The following COMMD1 variants were observed in gnomAD, a reference collection of about 807,000 sequenced individuals.
COMMD1 encodes COMM domain-containing protein 1.
COMMD1 carries 10 observed loss-of-function variants against 17.2 expected under a neutral mutation model. That is an observed-to-expected ratio of 0.58 (90% CI 0.36 to 0.99). The LOEUF is 0.99. COMMD1 is among the 50% of genes least tolerant of loss of function. COMMD1 has a pLI of 0.01. For synonymous variants in COMMD1, 97 were observed against 91.6 expected (o/e 1.06, Z -0.34); for missense variants, 270 against 231.8 (o/e 1.17, Z -1.07).
At chr2:61,949,008 C>T (rs116281875) in intron 1 of COMMD1, among the ~76,000 whole-genome samples, 37 of 152,294 alleles carry the variant, frequency 2.4e-4, no homozygotes, top group Non-Finnish European at 2.1e-4. Context: ...GTCTTTGCAC[C>T]TATAATTCCA....
At chr2:62,055,475 C>T (rs1420075787) in intron 2 of COMMD1, 2 of 455,894 alleles carry the variant, frequency 4.4e-6, no homozygotes, top group Non-Finnish European at 4.4e-6. Context: ...TCTCCAAGCC[C>T]ACTTTGTATA....
chr2:62,056,116 C>G (rs1670693685), intron 2 of COMMD1, among the ~76,000 whole-genome samples: 1 of 152,290 alleles, frequency 6.6e-6, no homozygotes, highest in South Asian at 2.1e-4. Flanking sequence ...GGACAGCTTT[C>G]TGATTTCACT....
chr2:61,888,684 C>G, upstream of COMMD1: 3 of 704,434 alleles, frequency 4.3e-6, no homozygotes, highest in Admixed American at 9.8e-5. Flanking sequence ...GCGGCGCTGG[C>G]GTGACGTAGG....
intron 2 of COMMD1, among the ~76,000 whole-genome samples, chr2:62,017,653 A>G (rs1424248490): frequency 2.0e-5 from 3 of 148,004 alleles, no homozygotes; most frequent in South Asian, 4.3e-4. Context: ...CTGGGTGACA[A>G]GAGTGAGACC....
chr2:61,894,834 G>A (rs1669519937), intron 1 of COMMD1, among the ~76,000 whole-genome samples: 1 of 151,900 alleles, frequency 6.6e-6, no homozygotes. Flanking sequence ...AAGTAGCTGG[G>A]ATTACAGGCA....
chr2:62,038,454 T>C (rs955964482), intron 2 of COMMD1, among the ~76,000 whole-genome samples: 2 of 152,226 alleles, frequency 1.3e-5, no homozygotes, highest in Non-Finnish European at 2.9e-5. Context: ...CAATAACGTA[T>C]GGCTTTCTTT....
In COMMD1 at chr2:62,045,730, A is replaced by ATTT. The variant is rs71410917; in HGVS notation, c.462+44771_462+44773dup. Among the ~76,000 whole-genome samples, 315 of 84,896 alleles carry ATTT rather than the reference A, an allele frequency of 3.7e-3. 1 individual carries two copies. Among genetic ancestry groups the ATTT allele is most frequent in the Non-Finnish European group, 4.9e-3 (217 of 44,020 alleles). 55.7% of individuals were successfully genotyped at this position (84,896 alleles called of 152,430 possible). On this transcript the variant is annotated intron_variant, in intron 2 of 2. Coordinates refer to ENST00000311832, the MANE Select transcript of COMMD1 (RefSeq NM_152516.4). ...TATTATCATCTTTACTTTCAAGTTA[A>ATTT]TTTTTTTTTTTTTTTTTTTTTTTTT...
intron 2 of COMMD1, among the ~76,000 whole-genome samples, chr2:62,046,668 C>T (rs1670393411): frequency 1.3e-5 from 2 of 152,196 alleles, no homozygotes; most frequent in Non-Finnish European, 2.9e-5. Flanking sequence ...TATTTTCCTT[C>T]AATGAATTTT....
chr2:62,116,039 G>T (rs779473344), intron 2 of COMMD1, among the ~76,000 whole-genome samples: 1 of 151,790 alleles, frequency 6.6e-6, no homozygotes, highest in Non-Finnish European at 1.5e-5. Flanking sequence ...GTAGAGATGG[G>T]GTTTGCCGTG....
intron 2 of COMMD1, among the ~76,000 whole-genome samples, chr2:62,129,417 AAT>A (rs1319417537): frequency 6.6e-6 from 1 of 152,186 alleles, no homozygotes; most frequent in Non-Finnish European, 1.5e-5. Context: ...TTTTCAGGAA[AAT>A]ATAAAATTTT....
intron 2 of COMMD1, among the ~76,000 whole-genome samples, chr2:62,019,874 A>G (rs1038110654): frequency 2.6e-5 from 4 of 152,202 alleles, no homozygotes; most frequent in African/African-American, 9.7e-5. Flanking sequence ...AGGAGGGAAG[A>G]TTGGCTCTAC....
chr2:61,912,472 C>T (rs928540774), intron 1 of COMMD1, among the ~76,000 whole-genome samples: 4 of 152,208 alleles, frequency 2.6e-5, no homozygotes, highest in Non-Finnish European at 5.9e-5. Context: ...TGCGGTGGCT[C>T]ATGCCTGTAA....
intron 1 of COMMD1, among the ~76,000 whole-genome samples, chr2:61,958,058 A>C (rs561027031): frequency 9.2e-5 from 14 of 152,298 alleles, no homozygotes; most frequent in African/African-American, 3.1e-4. Flanking sequence ...TCAGGGGTAC[A>C]TGTGCAGGTT....
At chr2:62,121,338 C>G (rs1429356455) in intron 2 of COMMD1, among the ~76,000 whole-genome samples, 2 of 128,670 alleles carry the variant, frequency 1.6e-5, no homozygotes. Flanking sequence ...CCACTACACT[C>G]CAACCTGGGC....
At chr2:62,001,476 T>G (rs898314933) in intron 2 of COMMD1, among the ~76,000 whole-genome samples, 1 of 152,162 alleles carries the variant, frequency 6.6e-6, no homozygotes, top group Non-Finnish European at 1.5e-5. Context: ...AATTCTCAGT[T>G]TAATCTTATG....
intron 2 of COMMD1, among the ~76,000 whole-genome samples, chr2:62,074,621 C>G (rs969978524): frequency 6.6e-6 from 1 of 152,200 alleles, no homozygotes; most frequent in Non-Finnish European, 1.5e-5. Context: ...GGGATGGTCT[C>G]TGAACAGCAG....
At chr2:62,078,575 A>G (rs1671420963) in intron 2 of COMMD1, among the ~76,000 whole-genome samples, 2 of 136,854 alleles carry the variant, frequency 1.5e-5, no homozygotes. Flanking sequence ...AAAAGAAAAG[A>G]AAAAATGGTG....
At chr2:62,041,645 C>A (rs1251434484) in intron 2 of COMMD1, among the ~76,000 whole-genome samples, 1 of 152,198 alleles carries the variant, frequency 6.6e-6, no homozygotes, top group Non-Finnish European at 1.5e-5. Context: ...CCTCCCTGTC[C>A]TCCCAAAGTG....
At chr2:61,930,505 G>A (rs182896774) in intron 1 of COMMD1, among the ~76,000 whole-genome samples, 75 of 152,158 alleles carry the variant, frequency 4.9e-4, no homozygotes, top group African/African-American at 1.6e-3. Context: ...GCAGTGAGCC[G>A]AGATAATGCC....
Sources: allele counts gnomAD v4.1 joint callset (sites outside exome capture counted in the v4.1 genomes callset), GRCh38; gene constraint gnomAD v4.1.1; transcripts MANE v1.5; gene names NCBI Gene and HGNC (gene_info 2026-07-23, HGNC 2026-07-21).